The following TACR1 variants were observed in gnomAD, a reference collection of about 807,000 sequenced individuals.
The protein encoded by TACR1 is tachykinin receptor 1.
TACR1 carries 25 observed loss-of-function variants against 35.8 expected under a neutral mutation model. That is an observed-to-expected ratio of 0.70 (90% CI 0.51 to 0.98). TACR1 has a LOEUF of 0.98. Ranked by LOEUF, TACR1 falls within the 50% of genes least tolerant of loss-of-function variation. The pLI, the probability that TACR1 is intolerant of heterozygous loss-of-function variation, is 0.00. For synonymous variants in TACR1, 195 were observed against 206.7 expected, an observed-to-expected ratio of 0.94 and a Z score of 0.48; for missense variants, 478 against 522.9, an observed-to-expected ratio of 0.91 and a Z score of 0.84.
At chr2:75,154,032 C>CT (rs1264197268) in intron 1 of TACR1, among the ~76,000 whole-genome samples, 1 of 152,120 alleles carries the variant, frequency 6.6e-6, no homozygotes, top group Non-Finnish European at 1.5e-5. Flanking sequence ...AAAGGCCCAG[C>CT]TTGCTGGCTC....
intron 1 of TACR1, among the ~76,000 whole-genome samples, chr2:75,126,029 T>G (rs1031795908): frequency 1.3e-5 from 2 of 152,196 alleles, no homozygotes; most frequent in African/African-American, 4.8e-5. Flanking sequence ...TGACCCATAT[T>G]AAGCTAGTAC....
At chr2:75,171,514 G>GCT (rs1675282822) in intron 1 of TACR1, among the ~76,000 whole-genome samples, 4 of 152,172 alleles carry the variant, frequency 2.6e-5, no homozygotes, top group Non-Finnish European at 5.9e-5. Context: ...TCAGAAGAGG[G>GCT]CCACCATCCT....
chr2:75,133,885 C>A (rs1447555913), intron 1 of TACR1, among the ~76,000 whole-genome samples: 2 of 152,102 alleles, frequency 1.3e-5, no homozygotes, highest in African/African-American at 4.8e-5. Context: ...TCATTAAGAC[C>A]TTGCTGATAA....
chr2:75,093,566 G>A (rs1165185856), intron 2 of TACR1, among the ~76,000 whole-genome samples: 3 of 152,096 alleles, frequency 2.0e-5, no homozygotes, highest in Non-Finnish European at 4.4e-5. Flanking sequence ...ACAGGAGTCT[G>A]CAGCCCCTGA....
intron 2 of TACR1, among the ~76,000 whole-genome samples, chr2:75,104,510 A>G (rs1669983140): frequency 6.6e-6 from 1 of 152,080 alleles, no homozygotes; most frequent in African/African-American, 2.4e-5. Flanking sequence ...GAAACATAGG[A>G]CTTGAAACAT....
chr2:75,147,038 TC>T (rs1387528079), intron 1 of TACR1, among the ~76,000 whole-genome samples: 4 of 152,216 alleles, frequency 2.6e-5, no homozygotes, highest in Non-Finnish European at 4.4e-5. Flanking sequence ...AGTCAACTGA[TC>T]TGAAATGTTT....
chr2:75,057,531 A>G (rs1573458760), intron 2 of TACR1, among the ~76,000 whole-genome samples: 1 of 152,260 alleles, frequency 6.6e-6, no homozygotes, highest in African/African-American at 2.4e-5. Context: ...GTGCGACAAC[A>G]TGGATGAAGC....
intron 1 of TACR1, among the ~76,000 whole-genome samples, chr2:75,196,525 G>A (rs1024930365): frequency 4.6e-5 from 7 of 152,078 alleles, no homozygotes; most frequent in African/African-American, 1.7e-4. Flanking sequence ...TCTGGCATCC[G>A]AGACCTTTTG....
intron 1 of TACR1, among the ~76,000 whole-genome samples, chr2:75,125,278 G>A (rs1276450792): frequency 1.3e-5 from 2 of 151,818 alleles, no homozygotes; most frequent in Non-Finnish European, 2.9e-5. Flanking sequence ...CTGCCTCCCG[G>A]GTTCCAGCAA....
chr2:75,094,859 A>ATATATATATATATTTTTTTT, intron 2 of TACR1, among the ~76,000 whole-genome samples: 12 of 113,100 alleles, frequency 1.1e-4, no homozygotes, highest in African/African-American at 5.3e-4. Context: ...ATATATATAT[A>ATATATATATATATTTTTTTT]TTTTTTTTTT....
At chr2:75,161,296 A>C (rs1181162543) in intron 1 of TACR1, among the ~76,000 whole-genome samples, 1 of 152,144 alleles carries the variant, frequency 6.6e-6, no homozygotes, top group Non-Finnish European at 1.5e-5. Context: ...AAGCTTAATA[A>C]TAGTTATAAT....
At chr2:75,077,921 AC>A (rs1673011743) in intron 2 of TACR1, among the ~76,000 whole-genome samples, 1 of 152,202 alleles carries the variant, frequency 6.6e-6, no homozygotes, top group South Asian at 2.1e-4. Flanking sequence ...CCATAATCAA[AC>A]TTAAATCAGT....
chr2:75,191,234 G>C (rs527300451), intron 1 of TACR1, among the ~76,000 whole-genome samples: 2 of 152,150 alleles, frequency 1.3e-5, no homozygotes, highest in African/African-American at 2.4e-5. Flanking sequence ...GAATTTTCCT[G>C]TGTCTATCGT....
At position 75,198,946 on chromosome 2, in the gene TACR1, G is replaced by A. The variant is rs2103646455; in HGVS notation, c.-12C>T. On this transcript the variant is annotated 5_prime_UTR_variant, in exon 1 of 5. Transcript: ENST00000305249. ...AGGACGTTATCCATTTCGAAGCTAG[G>A]CGGTAAAGCCCTACTATCTGTACAC... is the stretch of plus-strand genomic sequence containing the variant. 6.2e-7 allele frequency: 1 copy of A among 1,611,518 alleles called. No homozygotes were observed. Among genetic ancestry groups the A allele is most frequent in the Non-Finnish European group, 8.5e-7 (1 of 1,179,324 alleles).
chr2:75,115,121 C>G (rs1273106652), intron 2 of TACR1, among the ~76,000 whole-genome samples: 4 of 141,140 alleles, frequency 2.8e-5, no homozygotes, highest in South Asian at 2.4e-4. Context: ...GTGTGTGTGT[C>G]TTCACATCAT....
chr2:75,184,821 A>C (rs1299313474), intron 1 of TACR1, among the ~76,000 whole-genome samples: 1 of 151,750 alleles, frequency 6.6e-6, no homozygotes, highest in Admixed American at 6.6e-5. Flanking sequence ...TATAGAAGAA[A>C]AATGTAAAAA....
At chr2:75,116,692 T>C (rs576338781) in intron 2 of TACR1, among the ~76,000 whole-genome samples, 1 of 152,296 alleles carries the variant, frequency 6.6e-6, no homozygotes, top group East Asian at 1.9e-4. Flanking sequence ...GCGGATCACC[T>C]GAGGTCAGGA....
chr2:75,059,651 C>T (rs946646336), intron 2 of TACR1, among the ~76,000 whole-genome samples: 14 of 152,222 alleles, frequency 9.2e-5, no homozygotes, highest in African/African-American at 3.1e-4. Context: ...GGTCACGTAG[C>T]TTTCACACTT....
intron 1 of TACR1, among the ~76,000 whole-genome samples, chr2:75,150,393 CA>C (rs1319132985): frequency 6.6e-6 from 1 of 152,134 alleles, no homozygotes; most frequent in African/African-American, 2.4e-5. Flanking sequence ...GGGAGGGACC[CA>C]GGGGGAGGTA....
Sources: gnomAD v4.1 joint callset for allele counts (sites outside exome capture counted in the v4.1 genomes callset) on GRCh38, gnomAD v4.1.1 for gene constraint, MANE v1.5 for transcripts, NCBI Gene and HGNC (gene_info 2026-07-23, HGNC 2026-07-21) for gene names.